RGS7: variants seen among roughly 807,000 people sequenced by gnomAD.
RGS7 encodes the protein regulator of G protein signaling 7, also known as regulator of G-protein signaling 7.
Under a neutral mutation model 81.1 loss-of-function variants are expected in RGS7, and 27 were observed. The ratio of observed to expected loss-of-function variants is 0.33; its 90% CI spans 0.25 to 0.46. The LOEUF is 0.46. Among genes scored for constraint, RGS7 ranks in the 20% least tolerant of loss-of-function variants. The pLI is 1.00. For synonymous variants in RGS7, 208 were observed against 207.7 expected (o/e 1.00, Z -0.01); for missense variants, 396 against 607.4 (o/e 0.65, Z 3.66).
intron 2 of RGS7, among the ~76,000 whole-genome samples, chr1:241,205,169 T>G (rs991515570): frequency 2.0e-5 from 3 of 149,922 alleles, no homozygotes; most frequent in East Asian, 2.0e-4. Context: ...CTCTGCCTCC[T>G]GGGTTCAAGC....
intron 18 of RGS7, among the ~76,000 whole-genome samples, chr1:240,793,604 TATA>T (rs766080478): frequency 0.017 from 1,558 of 94,388 alleles, 57 homozygotes; most frequent in Non-Finnish European, 0.023. Flanking sequence ...TATATATATA[TATA>T]TATATTTTTT....
At chr1:241,126,504 G>C (rs1305352123) in intron 2 of RGS7, among the ~76,000 whole-genome samples, 1 of 152,286 alleles carries the variant, frequency 6.6e-6, no homozygotes, top group African/African-American at 2.4e-5. Context: ...ACGGGCTCTA[G>C]ATCAAGCCTG....
At chr1:240,902,400 C>T (rs1670160078) in intron 6 of RGS7, among the ~76,000 whole-genome samples, 1 of 151,954 alleles carries the variant, frequency 6.6e-6, no homozygotes, top group Non-Finnish European at 1.5e-5. Context: ...ATTTGGCTAC[C>T]ATTGTTATTT....
chr1:241,090,738 T>A (rs1159672667), intron 3 of RGS7, among the ~76,000 whole-genome samples: 1 of 152,172 alleles, frequency 6.6e-6, no homozygotes, highest in Admixed American at 6.5e-5. Flanking sequence ...TCAGATATAA[T>A]CTCCAAATTT....
intron 6 of RGS7, among the ~76,000 whole-genome samples, chr1:240,900,365 G>C (rs1669784137): frequency 6.6e-6 from 1 of 152,180 alleles, no homozygotes; most frequent in African/African-American, 2.4e-5. Context: ...AGGAGAAGAG[G>C]CACTCTGATT....
intron 2 of RGS7, among the ~76,000 whole-genome samples, chr1:241,113,457 G>A (rs557622072): frequency 1.3e-5 from 2 of 152,260 alleles, no homozygotes; most frequent in South Asian, 2.1e-4. Flanking sequence ...CAGCCAAGAG[G>A]ACCCTGTAGA....
intron 16 of RGS7, 30 bp downstream of exon 16, chr1:240,802,874 A>G (rs1317216530): frequency 7.1e-7 from 1 of 1,414,190 alleles, no homozygotes; most frequent in Non-Finnish European, 1.0e-6. Flanking sequence ...GAACTAGGCC[A>G]AGAAAAAACA....
intron 3 of RGS7, among the ~76,000 whole-genome samples, chr1:241,021,758 G>A (rs1160336842): frequency 2.6e-5 from 4 of 152,056 alleles, no homozygotes; most frequent in Non-Finnish European, 4.4e-5. Context: ...TACCACTTTC[G>A]TACCTTATAA....
chr1:240,855,783 ATTTT>A (rs1189715719), intron 9 of RGS7, among the ~76,000 whole-genome samples: 2 of 152,154 alleles, frequency 1.3e-5, no homozygotes, highest in Non-Finnish European at 1.5e-5. Context: ...TGTCAAATTA[ATTTT>A]TATACAGATA....
intron 2 of RGS7, among the ~76,000 whole-genome samples, chr1:241,245,493 A>T (rs865956710): frequency 3.8e-4 from 37 of 97,804 alleles, no homozygotes; most frequent in African/African-American, 6.5e-4. Flanking sequence ...TTTTCCTTAT[A>T]AAAAAAAAAA....
At chr1:241,281,016 A>G (rs2078472434) in intron 2 of RGS7, among the ~76,000 whole-genome samples, 1 of 152,194 alleles carries the variant, frequency 6.6e-6, no homozygotes, top group Non-Finnish European at 1.5e-5. Flanking sequence ...TGACAATTTC[A>G]AAGCTCACAG....
In RGS7 at chr1:240,813,855, A is replaced by C. The variant is rs577675646; in HGVS notation, c.846-127T>G. On this transcript the variant is annotated intron_variant, in intron 12 of 18. Transcript: ENST00000440928. The stretch of plus-strand genomic sequence containing the variant: ...TTGTTCACTTAAAGCATGAAATCCA[A>C]TGGCAATCTTCACGCTTCAGTAACT... The C allele has an allele frequency of 8.9e-5, 62 of 693,646 alleles. No individual in the cohort carries two copies. The African/African-American group carries it at 1.0e-3, about 11-fold the overall frequency. 43.0% of individuals were successfully genotyped at this position (693,646 alleles called of 1,614,324 possible).
Position 241,089,092 on chromosome 1 carries a change from T to TATATATATATATATATATATAC in RGS7, c.175+9573_175+9574insGTATATATATATATATATATAT, listed in dbSNP as rs1335136344. On this transcript the variant is annotated intron_variant, in intron 3 of 18. Coordinates refer to ENST00000440928, the MANE Select transcript of RGS7 (RefSeq NM_001364886.1). ...ATATATATATATATATATATATATA[T>TATATATATATATATATATATAC]ATATACTGGCTTAGACCTAAGGTGA... Among the ~76,000 whole-genome samples the TATATATATATATATATATATAC allele has an allele frequency of 6.4e-4, 64 of 100,112 alleles. 1 individual carries two copies. Among genetic ancestry groups the TATATATATATATATATATATAC allele is most frequent in the Non-Finnish European group, 9.2e-4 (46 of 50,182 alleles). The allele number at this position is 100,112 out of a possible 152,430, so 65.7% of individuals were successfully genotyped here. A position where few individuals can be genotyped will look rare whatever the true frequency, so the allele number is the denominator to read the frequency against.
chr1:240,954,832 T>C (rs932358675), intron 4 of RGS7, among the ~76,000 whole-genome samples: 3 of 152,160 alleles, frequency 2.0e-5, no homozygotes, highest in Non-Finnish European at 1.5e-5. Flanking sequence ...TGATTATAAT[T>C]GTCTACGTAG....
chr1:240,861,796 T>C (rs1662248927), intron 9 of RGS7, among the ~76,000 whole-genome samples: 10 of 152,128 alleles, frequency 6.6e-5, no homozygotes, highest in Admixed American at 6.6e-4. Context: ...ATTCACCTCT[T>C]AACTCCAGCT....
At chr1:240,803,865 T>C (rs1004483498) in intron 15 of RGS7, among the ~76,000 whole-genome samples, 7 of 152,114 alleles carry the variant, frequency 4.6e-5, no homozygotes, top group African/African-American at 1.7e-4. Flanking sequence ...TTCTTTTTTT[T>C]TTTCTTGAAG....
intron 6 of RGS7, among the ~76,000 whole-genome samples, chr1:240,901,579 C>G (rs936603673): frequency 3.9e-5 from 6 of 152,154 alleles, no homozygotes; most frequent in African/African-American, 1.2e-4. Context: ...CATACTTACG[C>G]ATAGCACAGG....
intron 18 of RGS7, among the ~76,000 whole-genome samples, chr1:240,796,907 T>G (rs534066296): frequency 2.0e-5 from 3 of 152,304 alleles, no homozygotes; most frequent in African/African-American, 7.2e-5. Context: ...ATTGATTCTT[T>G]TAAAGTCTCT....
chr1:240,999,278 G>T (rs1000887776), intron 3 of RGS7, among the ~76,000 whole-genome samples: 3 of 151,212 alleles, frequency 2.0e-5, no homozygotes, highest in African/African-American at 7.3e-5. Flanking sequence ...ATAGATCAGG[G>T]GTGTCCAATC....
Sources: allele counts gnomAD v4.1 joint callset (sites outside exome capture counted in the v4.1 genomes callset), GRCh38; gene constraint gnomAD v4.1.1; transcripts MANE v1.5; gene names NCBI Gene and HGNC (gene_info 2026-07-23, HGNC 2026-07-21).